PIEZO2: variants seen among roughly 807,000 people sequenced by gnomAD.
PIEZO2 encodes piezo-type mechanosensitive ion channel component 2.
A neutral mutation model predicts 337.3 loss-of-function variants in PIEZO2; 172 were observed. The ratio of observed to expected loss-of-function variants is 0.51; its 90% CI spans 0.45 to 0.58. The LOEUF is 0.58. Ranked by LOEUF, PIEZO2 falls within the 20% of genes least tolerant of loss-of-function variation. PIEZO2 has a pLI of 0.00. For synonymous variants in PIEZO2, 1,251 were observed against 1,228.5 expected (o/e 1.02, Z -0.38); for missense variants, 3,028 against 3,391.3 (o/e 0.89, Z 2.66).
intron 54 of PIEZO2, among the ~76,000 whole-genome samples, chr18:10,674,911 T>C (rs2033926450): frequency 6.6e-6 from 1 of 152,226 alleles, no homozygotes; most frequent in African/African-American, 2.4e-5. Context: ...CTGTCAGTAA[T>C]CTGGCTGCTA....
rs150787359 is a variant in PIEZO2 at position 10,947,724 on chromosome 18, A to G, written c.286+31811T>C. Among the ~76,000 whole-genome samples, 14 of 152,338 alleles carry G rather than the reference A, an allele frequency of 9.2e-5. No homozygotes were observed. In the East Asian group the frequency reaches 1.7e-3, roughly 19 times the overall value. ...GATAGGATAGTTTATACATTAAGTAAATCTCTTTGAAAGATGAATGTTCAA... is the reference window on the plus strand; with the variant it reads ...GATAGGATAGTTTATACATTAAGTAGATCTCTTTGAAAGATGAATGTTCAA... On this transcript the variant is annotated intron_variant, in intron 3 of 55. Transcript: ENST00000674853.
chr18:10,878,459 C>CTGTTACT lies in PIEZO2; in HGVS notation c.330-7045_330-7044insAGTAACA, dbSNP rs2042324440. The stretch of plus-strand genomic sequence containing the variant: ...TGGCATTGAGATCACAGAGAGTTTA[C>CTGTTACT]AAATAAAGTTTCAGTTATTTGCACA... On this transcript the variant is annotated intron_variant, in intron 4 of 55. Coordinates refer to ENST00000674853, the MANE Select transcript of PIEZO2 (RefSeq NM_001378183.1). This position sits in a 1 kb window ranked among gnomAD's most constrained non-coding sequence, Gnocchi z 4.3. 1.3e-5 allele frequency among the ~76,000 whole-genome samples: 2 copies of CTGTTACT among 152,106 alleles called. No individual in the cohort carries two copies. The highest frequency in any genetic ancestry group is 4.1e-4 in the South Asian group (2 of 4,826).
Position 10,794,734 on chromosome 18 carries a change from G to T in PIEZO2, c.1758+38C>A. ...CGATTATGATGATGATTGTGGTTTT[G>T]TGTCATTGTTTTGTTTTATTGTATT... is the stretch of plus-strand genomic sequence containing the variant. On this transcript the variant is annotated intron_variant, in intron 13 of 55. Coordinates refer to ENST00000674853, the MANE Select transcript of PIEZO2 (RefSeq NM_001378183.1). This position sits in a 1 kb window ranked among gnomAD's most constrained non-coding sequence, Gnocchi z 6.6. 7.3e-7 allele frequency: 1 copy of T among 1,379,202 alleles called. No homozygotes were observed. The highest frequency in any genetic ancestry group is 9.8e-7 in the Non-Finnish European group (1 of 1,024,990). 85.4% of individuals were successfully genotyped at this position (1,379,202 alleles called of 1,614,324 possible). A position where few individuals can be genotyped will look rare whatever the true frequency, so the allele number is the denominator to read the frequency against.
At chr18:10,814,798 T>G (rs2040312162) in intron 7 of PIEZO2, among the ~76,000 whole-genome samples, 1 of 152,102 alleles carries the variant, frequency 6.6e-6, no homozygotes, top group Non-Finnish European at 1.5e-5. Flanking sequence ...TCAGTGGCCA[T>G]GATGACTGGC....
intron 7 of PIEZO2, among the ~76,000 whole-genome samples, chr18:10,814,174 T>C (rs1373209847): frequency 2.0e-5 from 3 of 152,058 alleles, no homozygotes; most frequent in Non-Finnish European, 4.4e-5. Flanking sequence ...TTTCACTGTG[T>C]TAGCCAGGAT....
At chr18:11,000,789 G>A (rs1356914659) in intron 2 of PIEZO2, among the ~76,000 whole-genome samples, 2 of 152,158 alleles carry the variant, frequency 1.3e-5, no homozygotes, top group African/African-American at 2.4e-5. Context: ...CTCCCGGCAG[G>A]GACACCTATG....
In PIEZO2 at chr18:10,705,328, A is replaced by G. The variant is rs2035530813; in HGVS notation, c.5999+8T>C. On this transcript the variant is annotated splice_region_variant and intron_variant, in intron 41 of 55. Transcript: ENST00000674853. The stretch of plus-strand genomic sequence containing the variant: ...GATATGTGTCTGATCTGTTCACTGG[A>G]CCCTTACTTTTTCAGCAGCAGCTCG... The G allele has an allele frequency of 6.5e-7, 1 of 1,526,734 alleles. No homozygotes were observed. Among genetic ancestry groups the G allele is most frequent in the East Asian group, 2.4e-5 (1 of 40,820 alleles). 94.6% of individuals were successfully genotyped at this position (1,526,734 alleles called of 1,614,324 possible).
intron 42 of PIEZO2, among the ~76,000 whole-genome samples, chr18:10,703,820 C>T (rs2035444281): frequency 6.6e-6 from 1 of 152,182 alleles, no homozygotes; most frequent in African/African-American, 2.4e-5. Context: ...GGGCTGACAT[C>T]CACCCTTCAG....
chr18:11,066,278 A>G, intron 1 of PIEZO2, 56 bp from the exon 2 acceptor site: 2 of 1,381,398 alleles, frequency 1.4e-6, no homozygotes, highest in Non-Finnish European at 2.0e-6. Flanking sequence ...GCAGGTTGAC[A>G]AAACCAGGGG....
chr18:10,904,110 C>A (rs1250481349), intron 4 of PIEZO2, among the ~76,000 whole-genome samples: 1 of 151,914 alleles, frequency 6.6e-6, no homozygotes, highest in Non-Finnish European at 1.5e-5. Flanking sequence ...TACATGATAC[C>A]GTTTAGTTAT....
In PIEZO2 at chr18:10,722,082, C is replaced by T. The variant is rs147858369; in HGVS notation, c.5030-3823G>A. On this transcript the variant is annotated intron_variant, in intron 36 of 55. Transcript: ENST00000674853. ...GGCAGAATTGCTTGAACTCGGGAGA[C>T]GGAGGTTGCAATGAGCTGATTTTGT... is the stretch of plus-strand genomic sequence containing the variant. Among the ~76,000 whole-genome samples the T allele has an allele frequency of 2.4e-4, 36 of 147,640 alleles. No individual in the cohort carries two copies. The East Asian group carries it at 5.6e-3, about 23-fold the overall frequency.
chr18:10,884,884 C>T (rs1014428100), intron 4 of PIEZO2, among the ~76,000 whole-genome samples: 6 of 151,918 alleles, frequency 3.9e-5, no homozygotes, highest in Non-Finnish European at 5.9e-5. Context: ...CAAGGAAGAG[C>T]GAAAACAGCA....
intron 4 of PIEZO2, among the ~76,000 whole-genome samples, chr18:10,874,687 G>C (rs1032084484): frequency 1.3e-5 from 2 of 151,996 alleles, no homozygotes; most frequent in Non-Finnish European, 2.9e-5. Flanking sequence ...AGAAACTAGA[G>C]GTCATTATTT....
At chr18:10,771,606 A>G (rs897766688) in intron 20 of PIEZO2, among the ~76,000 whole-genome samples, 4 of 152,358 alleles carry the variant, frequency 2.6e-5, no homozygotes, top group East Asian at 1.9e-4. Flanking sequence ...AAAGCTAAGT[A>G]AGGTTCTAGT....
rs1352484304 is a variant in PIEZO2 at position 10,726,528 on chromosome 18, T to C, written c.5029+4879A>G. On this transcript the variant is annotated intron_variant, in intron 36 of 55. Coordinates refer to ENST00000674853, the MANE Select transcript of PIEZO2 (RefSeq NM_001378183.1). The surrounding 1 kb of genome is among the most constrained non-coding windows in gnomAD (Gnocchi z 5.9). ...CAGCCGTTCCTGTGGCGCGCTGCGC[T>C]GCTCTGCTCTGCTACACCAGCCGCC... is the stretch of plus-strand genomic sequence containing the variant. The C allele has an allele frequency of 1.2e-5, 17 of 1,451,572 alleles. No homozygotes were observed. Among genetic ancestry groups the C allele is most frequent in the African/African-American group, 8.5e-5 (6 of 70,546 alleles). 89.9% of individuals were successfully genotyped at this position (1,451,572 alleles called of 1,614,324 possible).
At chr18:10,960,777 A>G (rs1190989750) in intron 3 of PIEZO2, among the ~76,000 whole-genome samples, 9 of 152,180 alleles carry the variant, frequency 5.9e-5, no homozygotes. Flanking sequence ...TCTCTTAGGG[A>G]CCTTGGGAAA....
chr18:11,030,511 G>A (rs1020078135), intron 2 of PIEZO2, among the ~76,000 whole-genome samples: 1 of 152,116 alleles, frequency 6.6e-6, no homozygotes, highest in African/African-American at 2.4e-5. Context: ...ACCTTGTAGT[G>A]GTTACGGGAA....
chr18:11,063,325 A>C (rs901795306), intron 2 of PIEZO2, among the ~76,000 whole-genome samples: 1 of 151,684 alleles, frequency 6.6e-6, no homozygotes, highest in Non-Finnish European at 1.5e-5. Flanking sequence ...AGATATACCT[A>C]ATGTTAAATG....
intron 7 of PIEZO2, among the ~76,000 whole-genome samples, chr18:10,852,686 T>C (rs990792602): frequency 1.6e-4 from 24 of 152,144 alleles, no homozygotes; most frequent in African/African-American, 5.3e-4. Flanking sequence ...TTCTTTTAAA[T>C]TGCAGGTTCC....
Sources: gnomAD v4.1 joint callset for allele counts (sites outside exome capture counted in the v4.1 genomes callset) on GRCh38, gnomAD v4.1.1 for gene constraint, Gnocchi (gnomAD v3.1) non-coding constraint, MANE v1.5 for transcripts, NCBI Gene and HGNC (gene_info 2026-07-23, HGNC 2026-07-21) for gene names.